The following CRACD variants were observed in gnomAD, a reference collection of about 807,000 sequenced individuals.
CRACD encodes capping protein-inhibiting regulator of actin dynamics.
CRACD carries 56 observed loss-of-function variants against 106.8 expected under a neutral mutation model. The ratio of observed to expected loss-of-function variants is 0.52; its 90% confidence interval spans 0.42 to 0.66. The LOEUF is 0.66. Among genes scored for constraint, CRACD ranks in the 30% least tolerant of loss-of-function variants. The probability of loss-of-function intolerance (pLI) is 0.00; values close to 1 mark genes in which losing one functional copy is unlikely to be tolerated. For synonymous variants in CRACD, 754 were observed against 670.8 expected, an observed-to-expected ratio of 1.12 and a Z score of -1.92; for missense variants, 1,730 against 1,623.2, an observed-to-expected ratio of 1.07 and a Z score of -1.13.
At chr4:56,123,251 A>G (rs1734548809) in intron 1 of CRACD, among the ~76,000 whole-genome samples, 1 of 152,188 alleles carries the variant, frequency 6.6e-6, no homozygotes, top group Non-Finnish European at 1.5e-5. Context: ...AGCTGCTATA[A>G]CAAAGTACCA....
chr4:56,275,546 C>T (rs902007025), intron 3 of CRACD, among the ~76,000 whole-genome samples: 2 of 152,170 alleles, frequency 1.3e-5, no homozygotes, highest in Non-Finnish European at 2.9e-5. Context: ...ATTTCACCTA[C>T]AAAGTAAATA....
Position 56,315,392 on chromosome 4 carries a change from G to A in CRACD, c.1890G>A (p.Ala630=), listed in dbSNP as rs201547934. 181 of 1,612,834 alleles carry A rather than the reference G, an allele frequency of 1.1e-4. No homozygotes were observed. Among genetic ancestry groups the A allele is most frequent in the Non-Finnish European group, 1.5e-4 (176 of 1,179,722 alleles). Reference sequence around the variant, plus strand: ...TGGGCTTGGAGGAGAAGAAGCACGCGGAAGCCCCAGCTGGGGAGAACCCTC... The same window carrying A: ...TGGGCTTGGAGGAGAAGAAGCACGCAGAAGCCCCAGCTGGGGAGAACCCTC... The part of the protein sequence containing the change: ...SLLGLEEKKH[A]EAPAGENPPR... The change falls in exon 8 of 11, where the codon GCG becomes GCA. Residue 630 remains alanine (A), a synonymous_variant. Coordinates refer to ENST00000682029, the MANE Select transcript of CRACD (RefSeq NM_001393381.1). The surrounding 1 kb of genome is among the most constrained non-coding windows in gnomAD (Gnocchi z 4.1).
Position 56,111,297 on chromosome 4 carries a change from A to T in CRACD, c.-336+61998A>T, listed in dbSNP as rs373587127. Among the ~76,000 whole-genome samples the T allele has an allele frequency of 2.1e-4, 32 of 152,268 alleles. No homozygotes were observed. In the East Asian group the frequency reaches 4.6e-3, roughly 22 times the overall value. On this transcript the variant is annotated intron_variant, in intron 1 of 10. Coordinates refer to ENST00000682029, the MANE Select transcript of CRACD (RefSeq NM_001393381.1). ...TTGCAATACAACACTGCATTCGAAG[A>T]TATGGAAGTCAGTGTTGAAAGAAAC...
intron 3 of CRACD, among the ~76,000 whole-genome samples, chr4:56,284,640 G>A (rs1216160216): frequency 6.6e-6 from 1 of 152,168 alleles, no homozygotes; most frequent in Non-Finnish European, 1.5e-5. Context: ...TAGGAGAATT[G>A]CTTGAACCCA....
At chr4:56,131,610 T>C (rs527471523) in intron 1 of CRACD, among the ~76,000 whole-genome samples, 232 of 152,312 alleles carry the variant, frequency 1.5e-3, no homozygotes, top group Admixed American at 2.4e-3. Flanking sequence ...ATAATGGATC[T>C]GGGGAGACAC....
intron 1 of CRACD, among the ~76,000 whole-genome samples, chr4:56,104,184 C>T (rs1302689875): frequency 6.6e-6 from 1 of 152,104 alleles, no homozygotes; most frequent in Non-Finnish European, 1.5e-5. Context: ...ATCGCTTGGG[C>T]CCAGGAGTTT....
intron 1 of CRACD, among the ~76,000 whole-genome samples, chr4:56,115,063 A>C (rs1465885871): frequency 6.6e-6 from 1 of 152,048 alleles, no homozygotes. Context: ...GAATTGACTT[A>C]TAGTAATTCC....
intron 1 of CRACD, among the ~76,000 whole-genome samples, chr4:56,160,823 C>A (rs887907548): frequency 6.6e-6 from 1 of 152,250 alleles, no homozygotes; most frequent in Non-Finnish European, 1.5e-5. Flanking sequence ...GGTGCAGCTT[C>A]CTGCTCAGTG....
intron 1 of CRACD, among the ~76,000 whole-genome samples, chr4:56,161,190 A>G (rs1432272822): frequency 6.6e-6 from 1 of 152,226 alleles, no homozygotes; most frequent in Non-Finnish European, 1.5e-5. Context: ...TTGTTTTTAT[A>G]GGAAGATCAC....
intron 1 of CRACD, among the ~76,000 whole-genome samples, chr4:56,092,432 C>G (rs772611458): frequency 3.8e-4 from 58 of 151,912 alleles, no homozygotes; most frequent in Non-Finnish European, 7.4e-4. Flanking sequence ...TGTGGCTAGT[C>G]CAAATTGAAG....
chr4:56,228,160 T>C (rs1218845715), intron 2 of CRACD, among the ~76,000 whole-genome samples: 1 of 152,136 alleles, frequency 6.6e-6, no homozygotes, highest in East Asian at 1.9e-4. Context: ...TCAGGGACCG[T>C]GTCCTCATAT....
rs201913634 is a variant in CRACD at position 56,316,128 on chromosome 4, G to A, written c.2626G>A (p.Gly876Arg). 5.7e-5 allele frequency: 92 copies of A among 1,614,006 alleles called. No individual in the cohort carries two copies. The highest frequency in any genetic ancestry group is 4.1e-4 in the African/African-American group (31 of 74,948). Reference sequence around the variant, plus strand: ...GAAGAAGAAGAGGCACAGCAGCACCGGAGACAGCGCGGATGCAGGGCCGCC... The same window carrying A: ...GAAGAAGAAGAGGCACAGCAGCACCAGAGACAGCGCGGATGCAGGGCCGCC... ...QKKKKRHSSTGDSADAGPPAA... is the reference protein window; with the variant it reads ...QKKKKRHSSTRDSADAGPPAA... The change falls in exon 8 of 11, where the codon GGA (glycine) becomes AGA (arginine). Residue 876 changes from glycine (G) to arginine (R), a missense_variant. Gly to Arg is a moderately radical substitution (Grantham distance 125, BLOSUM62 -2). Around this residue, in one of 5 missense-constraint regions of CRACD, gnomAD observed 1,620 missense variants for 1,481.6 expected, o/e 1.09. Coordinates refer to ENST00000682029, the MANE Select transcript of CRACD (RefSeq NM_001393381.1).
intron 2 of CRACD, among the ~76,000 whole-genome samples, chr4:56,251,210 G>C (rs138036448): frequency 6.6e-6 from 1 of 152,132 alleles, no homozygotes; most frequent in Non-Finnish European, 1.5e-5. Context: ...TGGTCTCAGC[G>C]CCTGCCTGGT....
chr4:56,200,014 T>A (rs1737807047), intron 2 of CRACD, among the ~76,000 whole-genome samples: 1 of 150,696 alleles, frequency 6.6e-6, no homozygotes, highest in Non-Finnish European at 1.5e-5. Context: ...AGTAGAAACT[T>A]CAAATATTCA....
intron 2 of CRACD, among the ~76,000 whole-genome samples, chr4:56,249,550 C>A (rs1045413720): frequency 6.6e-6 from 1 of 152,008 alleles, no homozygotes; most frequent in Non-Finnish European, 1.5e-5. Context: ...ATGGTAGTTT[C>A]TTTTTCAATG....
chr4:56,123,058 G>A (rs7681489), intron 1 of CRACD, among the ~76,000 whole-genome samples: 79,761 of 152,028 alleles, frequency 0.52, 21,722 homozygotes, highest in African/African-American at 0.68. Context: ...AATAGTTATC[G>A]AAGTAAGATA....
At chr4:56,186,338 G>A (rs1260202226) in intron 2 of CRACD, among the ~76,000 whole-genome samples, 3 of 152,154 alleles carry the variant, frequency 2.0e-5, no homozygotes, top group African/African-American at 7.2e-5. Context: ...TTATGAACAG[G>A]TGCCATGGGA....
At chr4:56,094,421 CTTTTTTT>C (rs1050719130) in intron 1 of CRACD, among the ~76,000 whole-genome samples, 1 of 117,084 alleles carries the variant, frequency 8.5e-6, no homozygotes, top group Non-Finnish European at 1.8e-5. Context: ...CATATAGATT[CTTTTTTT>C]TTTTTTTTTT....
chr4:56,179,979 T>G (rs1169575065), intron 2 of CRACD, among the ~76,000 whole-genome samples: 2 of 151,616 alleles, frequency 1.3e-5, no homozygotes, highest in African/African-American at 4.8e-5. Context: ...ATTGTGCCAC[T>G]GCACTCCAGC....
Sources: allele counts gnomAD v4.1 joint callset (sites outside exome capture counted in the v4.1 genomes callset), GRCh38; gene constraint gnomAD v4.1.1; regional missense constraint gnomAD v4.1.1; non-coding constraint Gnocchi (gnomAD v3.1); transcripts MANE v1.5; gene names NCBI Gene and HGNC (gene_info 2026-07-23, HGNC 2026-07-21).